Variants in ARMC12 observed in about 807,000 individuals in gnomAD.
The protein encoded by ARMC12 is armadillo repeat-containing protein 12.
ARMC12 carries 25 observed loss-of-function variants against 37.4 expected under a neutral mutation model. That is an observed-to-expected ratio of 0.67 (90% confidence interval 0.49 to 0.93). The LOEUF (loss-of-function observed/expected upper bound fraction) is 0.93, where lower values mean the gene tolerates loss of function less well. Ranked by LOEUF, ARMC12 falls within the 40% of genes least tolerant of loss-of-function variation. ARMC12 has a pLI of 0.00. For synonymous variants in ARMC12, 167 were observed against 176.1 expected, an observed-to-expected ratio of 0.95 and a Z score of 0.41; for missense variants, 384 against 426.6, an observed-to-expected ratio of 0.90 and a Z score of 0.88.
chr6:35,733,575 C>T (rs1766884561), upstream of ARMC12, among the ~76,000 whole-genome samples: 1 of 152,166 alleles, frequency 6.6e-6, no homozygotes, highest in African/African-American at 2.4e-5. Flanking sequence ...GTCGTGCCAT[C>T]TCGGTTCACT....
chr6:35,732,790 A>G (rs1433418936), upstream of ARMC12, among the ~76,000 whole-genome samples: 1 of 152,208 alleles, frequency 6.6e-6, no homozygotes, highest in Admixed American at 6.5e-5. Flanking sequence ...CCTGTTCCTC[A>G]TTTAGGTATT....
chr6:35,737,138 G>A lies in ARMC12; in HGVS notation c.30G>A (p.Gly10=). MGKSIPQYL[G]QLDIRKSVVS... Reference sequence around the variant, plus strand: ...GCAAGAGCATCCCCCAATACCTGGGGCAACTGGACATCCGCAAAAGCGTAG... The same window carrying A: ...GCAAGAGCATCCCCCAATACCTGGGACAACTGGACATCCGCAAAAGCGTAG... Residue 10 remains glycine (G), a synonymous_variant, in exon 1 of 6, where the codon GGG becomes GGA. Coordinates refer to ENST00000373866, the MANE Select transcript of ARMC12 (RefSeq NM_001286574.2). 1 of 1,614,186 alleles carries A rather than the reference G, an allele frequency of 6.2e-7. No individual in the cohort carries two copies. The highest frequency in any genetic ancestry group is 8.5e-7 in the Non-Finnish European group (1 of 1,180,040).
intron 2 of ARMC12, 98 bp downstream of exon 2, chr6:35,738,270 C>G: frequency 1.5e-6 from 2 of 1,325,888 alleles, no homozygotes; most frequent in Non-Finnish European, 2.1e-6. Flanking sequence ...TGGGACCTCT[C>G]TCTGGCTGAT....
intron 3 of ARMC12, among the ~76,000 whole-genome samples, chr6:35,746,824 A>C (rs911127608): frequency 1.3e-5 from 2 of 152,076 alleles, no homozygotes; most frequent in Non-Finnish European, 2.9e-5. Flanking sequence ...GGGATGGGGG[A>C]GCGTGTTAAC....
chr6:35,734,529 G>A (rs1215239933), upstream of ARMC12, among the ~76,000 whole-genome samples: 1 of 152,206 alleles, frequency 6.6e-6, no homozygotes, highest in Admixed American at 6.5e-5. Flanking sequence ...CCAGCCAGGC[G>A]CGGTGGCTCG....
intron 2 of ARMC12, 95 bp from the exon 3 acceptor site, chr6:35,738,283 CGGTGGG>C: frequency 5.2e-6 from 3 of 572,426 alleles, no homozygotes; most frequent in Non-Finnish European, 7.1e-6. Context: ...TGGCTGATAG[CGGTGGG>C]GGGGGGGTGT....
rs189114411 is a variant in ARMC12 at position 35,737,901 on chromosome 6, T to C, written c.164-126T>C. 1,229 of 1,329,264 alleles carry C rather than the reference T, an allele frequency of 9.2e-4. 15 individuals carry two copies. The East Asian group carries it at 0.019, about 20-fold the overall frequency. The allele number at this position is 1,329,264 out of a possible 1,614,324, so 82.3% of individuals were successfully genotyped here. ...CAACTGTACATGGTGGTCCTGCATA[T>C]GGCGAGAAGGCTTCTCCGAAAAGGC... On this transcript the variant is annotated intron_variant, in intron 1 of 5. Coordinates refer to ENST00000373866, the MANE Select transcript of ARMC12 (RefSeq NM_001286574.2).
In ARMC12 at chr6:35,738,172, G is replaced by C. The variant is rs760006909; in HGVS notation, c.309G>C (p.Glu103Asp). 15 of 1,610,736 alleles carry C rather than the reference G, an allele frequency of 9.3e-6. No homozygotes were observed. Among genetic ancestry groups the C allele is most frequent in the Non-Finnish European group, 1.3e-5 (15 of 1,178,180 alleles). ...GCTGTGTGTACTTGCTGGAGGCTGAGGTAAGGGAAGCAGGAGGTCCCCCCT... is the reference window on the plus strand; with the variant it reads ...GCTGTGTGTACTTGCTGGAGGCTGACGTAAGGGAAGCAGGAGGTCCCCCCT... The part of the protein sequence containing the change: ...ITRCVYLLEA[E>D]ASACTTDDIV... Residue 103 changes from glutamate to aspartate, a missense_variant and splice_region_variant, in exon 2 of 6, where the codon GAG (glutamate) becomes GAC (aspartate). By Grantham distance (45) the Glu-to-Asp change is conservative. Transcript: ENST00000373866.
upstream of ARMC12, among the ~76,000 whole-genome samples, chr6:35,733,363 A>G (rs1360579832): frequency 2.0e-5 from 3 of 152,112 alleles, no homozygotes; most frequent in Admixed American, 6.5e-5. Flanking sequence ...ATTATAGTAA[A>G]CATTTGTTGA....
In ARMC12 at chr6:35,748,776, G is replaced by A. The variant is rs1169893128; in HGVS notation, c.929G>A (p.Cys310Tyr). 1 of 1,614,254 alleles carries A rather than the reference G, an allele frequency of 6.2e-7. No homozygotes were observed. Residue 310 changes from cysteine to tyrosine, a missense_variant, in exon 6 of 6, where the codon TGC becomes TAC. Cys to Tyr is a radical substitution (Grantham distance 194). Transcript: ENST00000373866. ...HPEEDVQIQA[C>Y]KVIVSLQYPQ... ...GAGGAAGATGTTCAGATCCAGGCCT[G>A]CAAGGTCATTGTCAGCCTGCAGTAT...
upstream of ARMC12, chr6:35,736,922 G>C: frequency 1.2e-6 from 1 of 850,132 alleles, no homozygotes; most frequent in African/African-American, 1.7e-5. Flanking sequence ...ATCTGTTCTC[G>C]AGCACTCCTG....
rs200217484 is a variant in ARMC12, at chr6:35,748,627, G to T, written c.780G>T (p.Glu260Asp). The T allele has an allele frequency of 3.7e-6, 6 of 1,610,370 alleles. No homozygotes were observed. Among genetic ancestry groups the T allele is most frequent in the Non-Finnish European group, 5.1e-6 (6 of 1,177,718 alleles). Residue 260 changes from glutamate (E) to aspartate (D), a missense_variant, in exon 6 of 6, where the codon GAG becomes GAT. By Grantham distance (45) the Glu-to-Asp change is conservative. Coordinates refer to ENST00000373866, the MANE Select transcript of ARMC12 (RefSeq NM_001286574.2). ...EVLVFAERLSEGRNAPHYHVV... is the reference protein window; with the variant it reads ...EVLVFAERLSDGRNAPHYHVV... ...TGGTGTTTGCTGAGCGGCTGAGTGA[G>T]GGCCGGAACGCACCCCACTACCACG...
At chr6:35,740,079 G>T (rs1043893298) in intron 3 of ARMC12, among the ~76,000 whole-genome samples, 1 of 152,146 alleles carries the variant, frequency 6.6e-6, no homozygotes, top group Non-Finnish European at 1.5e-5. Context: ...AATTCCAAAG[G>T]TTTCAGGAGC....
At chr6:35,743,216 CTTT>C (rs35053737) in intron 3 of ARMC12, among the ~76,000 whole-genome samples, 2 of 140,018 alleles carry the variant, frequency 1.4e-5, no homozygotes, top group African/African-American at 2.6e-5. Context: ...AAGCATCTTA[CTTT>C]TTTTTTTTTT....
chr6:35,737,951 T>C, intron 1 of ARMC12, 76 bp from the exon 2 acceptor site: 1 of 1,596,132 alleles, frequency 6.3e-7, no homozygotes, highest in Non-Finnish European at 8.5e-7. Flanking sequence ...CCCAAGTCCC[T>C]GTCCCCTACT....
upstream of ARMC12, among the ~76,000 whole-genome samples, chr6:35,734,353 CG>C (rs1766903511): frequency 6.6e-6 from 1 of 151,984 alleles, no homozygotes; most frequent in African/African-American, 2.4e-5. Flanking sequence ...TGGGGGTTGG[CG>C]GGGTTTGCTT....
chr6:35,742,205 A>C (rs1412922397), intron 3 of ARMC12, among the ~76,000 whole-genome samples: 2 of 151,850 alleles, frequency 1.3e-5, no homozygotes, highest in African/African-American at 4.8e-5. Flanking sequence ...GCTTGTTAAA[A>C]GCAAAGATTT....
chr6:35,742,626 C>G (rs994181427), intron 3 of ARMC12, among the ~76,000 whole-genome samples: 4 of 151,316 alleles, frequency 2.6e-5, no homozygotes, highest in African/African-American at 9.7e-5. Context: ...TCCCCAGTGT[C>G]TTTATGCTGA....
Position 35,737,143 on chromosome 6 carries a change from T to A in ARMC12, c.35T>A (p.Leu12Gln). Residue 12 changes from leucine to glutamine, a missense_variant, in exon 1 of 6, where the codon CTG becomes CAG. Transcript: ENST00000373866. Reference protein sequence around the residue: ...GKSIPQYLGQLDIRKSVVSLA... With the variant: ...GKSIPQYLGQQDIRKSVVSLA... ...AGCATCCCCCAATACCTGGGGCAAC[T>A]GGACATCCGCAAAAGCGTAGTCAGC... The A allele has an allele frequency of 6.2e-7, 1 of 1,614,206 alleles. No individual in the cohort carries two copies. The highest frequency in any genetic ancestry group is 8.5e-7 in the Non-Finnish European group (1 of 1,180,030).
Sources: allele counts gnomAD v4.1 joint callset (sites outside exome capture counted in the v4.1 genomes callset), GRCh38; gene constraint gnomAD v4.1.1; transcripts MANE v1.5; gene names NCBI Gene and HGNC (gene_info 2026-07-23, HGNC 2026-07-21).